Variants in TANC2 observed in about 807,000 individuals in gnomAD.
TANC2 encodes the protein tetratricopeptide repeat, ankyrin repeat and coiled-coil containing 2.
A neutral mutation model predicts 210.5 loss-of-function variants in TANC2; 26 were observed. That is an observed-to-expected ratio of 0.12 (90% CI 0.09 to 0.17). The LOEUF (loss-of-function observed/expected upper bound fraction) is 0.17. Ranked by LOEUF, TANC2 falls within the 10% of genes least tolerant of loss-of-function variation. TANC2 has a pLI of 1.00. For missense variants in TANC2, 2,129 were observed against 2,608.9 expected, an observed-to-expected ratio of 0.82 and a Z score of 4.01; for synonymous variants, 931 against 967.1, an observed-to-expected ratio of 0.96 and a Z score of 0.69.
At chr17:63,257,212 G>A (rs905884504) in intron 8 of TANC2, among the ~76,000 whole-genome samples, 5 of 151,268 alleles carry the variant, frequency 3.3e-5, no homozygotes, top group Non-Finnish European at 7.4e-5. Context: ...ATTGTTTTGT[G>A]TTCTTCTTTA....
At chr17:63,147,203 C>T (rs1214956176) in intron 4 of TANC2, among the ~76,000 whole-genome samples, 5 of 151,680 alleles carry the variant, frequency 3.3e-5, no homozygotes, top group African/African-American at 1.2e-4. Context: ...ATTACCCAAG[C>T]GTGGTGGCAC....
intron 9 of TANC2, among the ~76,000 whole-genome samples, chr17:63,284,393 G>A (rs977915614): frequency 6.6e-6 from 1 of 151,824 alleles, no homozygotes; most frequent in Non-Finnish European, 1.5e-5. Flanking sequence ...GGTTTCTAGG[G>A]TTTTTTGATG....
At chr17:63,281,519 G>T (rs1247448712) in intron 9 of TANC2, among the ~76,000 whole-genome samples, 1 of 152,026 alleles carries the variant, frequency 6.6e-6, no homozygotes, top group Non-Finnish European at 1.5e-5. Flanking sequence ...TAACCGAAGA[G>T]AATTTGAATC....
intron 5 of TANC2, 60 bp downstream of exon 5, chr17:63,151,440 G>A: frequency 1.2e-6 from 1 of 831,894 alleles, no homozygotes; most frequent in Non-Finnish European, 1.5e-6. Flanking sequence ...GGCCCATCCA[G>A]CAGAGCAGTG....
chr17:63,078,946 A>T (rs1300883343), intron 3 of TANC2, among the ~76,000 whole-genome samples: 1 of 152,048 alleles, frequency 6.6e-6, no homozygotes, highest in Non-Finnish European at 1.5e-5. Context: ...CTTCTTGCCG[A>T]TTTTCTTTCT....
At chr17:63,237,247 A>G (rs973233269) in intron 7 of TANC2, among the ~76,000 whole-genome samples, 2 of 151,940 alleles carry the variant, frequency 1.3e-5, no homozygotes, top group African/African-American at 4.8e-5. Flanking sequence ...TTTTTCATGT[A>G]CATGGCCATT....
At position 63,379,714 on chromosome 17, in the gene TANC2, G is replaced by T; in HGVS notation, c.2583-4G>T. The T allele has an allele frequency of 6.3e-7, 1 of 1,577,964 alleles. No individual in the cohort carries two copies. Among genetic ancestry groups the T allele is most frequent in the Non-Finnish European group, 8.6e-7 (1 of 1,164,990 alleles). ...AATTAAAATGAATTTCTCTTTTTTTGCAGGAGTGGTCACACGTTACTTGCC... is the reference window on the plus strand; with the variant it reads ...AATTAAAATGAATTTCTCTTTTTTTTCAGGAGTGGTCACACGTTACTTGCC... On this transcript the variant is annotated splice_region_variant and splice_polypyrimidine_tract_variant and intron_variant, in intron 14 of 27. Coordinates refer to ENST00000689528, the Ensembl canonical transcript of TANC2.
intron 14 of TANC2, among the ~76,000 whole-genome samples, chr17:63,362,350 C>G (rs552296706): frequency 1.3e-5 from 2 of 152,334 alleles, no homozygotes; most frequent in South Asian, 4.1e-4. Context: ...AGTTCTCACT[C>G]AGGGCCATGG....
At chr17:63,342,125 G>T (rs2046248798) in intron 12 of TANC2, among the ~76,000 whole-genome samples, 1 of 151,866 alleles carries the variant, frequency 6.6e-6, no homozygotes, top group Non-Finnish European at 1.5e-5. Context: ...CCCCCCTCCA[G>T]TCAGAAATGA....
exon 28 of TANC2, chr17:63,424,285 T>C (rs1021398410): frequency 6.6e-5 from 10 of 152,222 alleles, no homozygotes; most frequent in African/African-American, 2.2e-4. Context: ...ACACCTAAAA[T>C]GTCAACAGTC....
chr17:63,265,145 T>C (rs1282565419), intron 8 of TANC2, among the ~76,000 whole-genome samples: 1 of 152,122 alleles, frequency 6.6e-6, no homozygotes, highest in Admixed American at 6.5e-5. Context: ...CAGTTACAGG[T>C]TGAGTATTCC....
chr17:63,108,537 C>T (rs955470490), intron 4 of TANC2, among the ~76,000 whole-genome samples: 7 of 151,814 alleles, frequency 4.6e-5, no homozygotes, highest in Non-Finnish European at 8.8e-5. Flanking sequence ...ATAGGCCAGA[C>T]GTTGTGGCTC....
At chr17:63,139,400 G>GT (rs1293215759) in intron 4 of TANC2, among the ~76,000 whole-genome samples, 3 of 152,104 alleles carry the variant, frequency 2.0e-5, no homozygotes, top group African/African-American at 4.8e-5. Flanking sequence ...GCAGAAGTGG[G>GT]TGGTTGCTTG....
chr17:62,980,977 T>C (rs1160188974), intron 1 of TANC2, among the ~76,000 whole-genome samples: 1 of 152,226 alleles, frequency 6.6e-6, no homozygotes, highest in South Asian at 2.1e-4. Context: ...TTGTTCTTGC[T>C]TGGCCAAACC....
intron 14 of TANC2, among the ~76,000 whole-genome samples, chr17:63,370,881 A>G (rs911382834): frequency 2.0e-5 from 3 of 152,212 alleles, no homozygotes; most frequent in Non-Finnish European, 4.4e-5. Context: ...ACTGAGTCAC[A>G]TAACCCCACT....
At chr17:63,180,034 AAGAG>A in intron 5 of TANC2, among the ~76,000 whole-genome samples, 1 of 151,554 alleles carries the variant, frequency 6.6e-6, no homozygotes, top group Non-Finnish European at 1.5e-5. Flanking sequence ...CCAGCTACTC[AAGAG>A]GCTGAAGTGG....
intron 2 of TANC2, among the ~76,000 whole-genome samples, chr17:63,063,531 C>CGT (rs59132639): frequency 0.049 from 5,312 of 108,102 alleles, 201 homozygotes; most frequent in East Asian, 0.15. Context: ...GGGACAAAGA[C>CGT]GTGTGTGTGT....
At chr17:63,346,906 A>T (rs748845150) in intron 12 of TANC2, among the ~76,000 whole-genome samples, 1 of 150,556 alleles carries the variant, frequency 6.6e-6, no homozygotes, top group Non-Finnish European at 1.5e-5. Context: ...GGGTCTTGCC[A>T]TGTTGCCCAG....
At chr17:63,181,333 C>T (rs2040777011) in intron 5 of TANC2, among the ~76,000 whole-genome samples, 1 of 152,302 alleles carries the variant, frequency 6.6e-6, no homozygotes, top group East Asian at 1.9e-4. Context: ...CCTGTAGGTT[C>T]AGTTGGCCTA....
Sources: gnomAD v4.1 joint callset for allele counts (sites outside exome capture counted in the v4.1 genomes callset) on GRCh38, gnomAD v4.1.1 for gene constraint, MANE v1.5 for transcripts, NCBI Gene and HGNC (gene_info 2026-07-23, HGNC 2026-07-21) for gene names.